GRIA4: variants seen among roughly 807,000 people sequenced by gnomAD.
GRIA4 encodes glutamate receptor 4.
GRIA4 carries 34 observed loss-of-function variants against 104.0 expected under a neutral mutation model. The observed-to-expected ratio is 0.33, with a 90% CI of 0.25 to 0.44. The LOEUF is 0.44. Ranked by LOEUF, GRIA4 falls within the 20% of genes least tolerant of loss-of-function variation. The probability of loss-of-function intolerance (pLI) is 1.00; values close to 1 mark genes in which losing one functional copy is unlikely to be tolerated. For synonymous variants in GRIA4, 386 were observed against 381.9 expected (o/e 1.01, Z -0.13); for missense variants, 750 against 1,096.5 (o/e 0.68, Z 4.46).
At chr11:105,892,837 C>T (rs1448102256) in intron 6 of GRIA4, among the ~76,000 whole-genome samples, 1 of 152,092 alleles carries the variant, frequency 6.6e-6, no homozygotes, top group Non-Finnish European at 1.5e-5. Context: ...TTTGACATTC[C>T]TTCCATTAAT....
chr11:105,672,074 A>G (rs1360391600), intron 3 of GRIA4, among the ~76,000 whole-genome samples: 1 of 152,168 alleles, frequency 6.6e-6, no homozygotes, highest in Non-Finnish European at 1.5e-5. Context: ...GAGAACATTT[A>G]TCATTAAAAA....
At chr11:105,616,221 C>A (rs1474018623) in intron 3 of GRIA4, among the ~76,000 whole-genome samples, 1 of 151,474 alleles carries the variant, frequency 6.6e-6, no homozygotes, top group Non-Finnish European at 1.5e-5. Context: ...CTTTTTCTAG[C>A]TAGAATCATT....
intron 14 of GRIA4, among the ~76,000 whole-genome samples, chr11:105,957,571 T>A (rs1948623218): frequency 6.6e-6 from 1 of 152,190 alleles, no homozygotes; most frequent in Non-Finnish European, 1.5e-5. Flanking sequence ...TTCTTTTGGC[T>A]TAGGATTGTC....
At chr11:105,669,051 T>C (rs1340933798) in intron 3 of GRIA4, among the ~76,000 whole-genome samples, 1 of 152,038 alleles carries the variant, frequency 6.6e-6, no homozygotes, top group Non-Finnish European at 1.5e-5. Context: ...TTCAGCAGTG[T>C]GTGCAGAAAA....
intron 14 of GRIA4, among the ~76,000 whole-genome samples, chr11:105,942,258 A>C (rs1591470684): frequency 6.6e-6 from 1 of 152,058 alleles, no homozygotes; most frequent in Non-Finnish European, 1.5e-5. Flanking sequence ...AACAAAAAAA[A>C]CAGTTCATTT....
At chr11:105,794,830 T>A (rs1280911791) in intron 4 of GRIA4, among the ~76,000 whole-genome samples, 1 of 151,790 alleles carries the variant, frequency 6.6e-6, no homozygotes, top group Non-Finnish European at 1.5e-5. Context: ...AACTCAAATT[T>A]AGCATTTAAA....
chr11:105,627,584 T>C (rs1253122373), intron 3 of GRIA4, among the ~76,000 whole-genome samples: 1 of 152,240 alleles, frequency 6.6e-6, no homozygotes, highest in East Asian at 1.9e-4. Context: ...TGTTATTTTG[T>C]TACTTCAGTT....
At chr11:105,806,304 G>A (rs569652303) in intron 4 of GRIA4, among the ~76,000 whole-genome samples, 15 of 151,912 alleles carry the variant, frequency 9.9e-5, no homozygotes, top group African/African-American at 3.4e-4. Flanking sequence ...ATTTAATTTA[G>A]CAGAACAGAG....
chr11:105,837,398 G>C (rs1320089331), intron 4 of GRIA4, among the ~76,000 whole-genome samples: 2 of 152,096 alleles, frequency 1.3e-5, no homozygotes, highest in African/African-American at 2.4e-5. Flanking sequence ...CAAGACCACA[G>C]CTGGAGTCAA....
intron 14 of GRIA4, among the ~76,000 whole-genome samples, chr11:105,962,892 A>T (rs1419648738): frequency 6.6e-6 from 1 of 152,156 alleles, no homozygotes; most frequent in East Asian, 1.9e-4. Context: ...TAATGTAAGA[A>T]ATAGCTAAAA....
chr11:105,611,232 C>CAAAAAAAAAA, intron 2 of GRIA4, 147 bp downstream of exon 2: 1 of 672,974 alleles, frequency 1.5e-6, no homozygotes, highest in Admixed American at 2.3e-5. Context: ...CTCTCCTTTG[C>CAAAAAAAAAA]AAAAAGACTT....
intron 3 of GRIA4, among the ~76,000 whole-genome samples, chr11:105,734,218 A>C (rs1294031680): frequency 1.3e-5 from 2 of 151,748 alleles, no homozygotes; most frequent in Non-Finnish European, 2.9e-5. Flanking sequence ...AACCTCCCAC[A>C]GTTTACTCCA....
At chr11:105,872,679 A>G (rs1027502660) in intron 5 of GRIA4, among the ~76,000 whole-genome samples, 1 of 152,138 alleles carries the variant, frequency 6.6e-6, no homozygotes, top group Non-Finnish European at 1.5e-5. Flanking sequence ...AAGAATAGAT[A>G]TCTACTCATT....
chr11:105,805,478 G>GAAAAAA (rs57123559), intron 4 of GRIA4, among the ~76,000 whole-genome samples: 16 of 92,468 alleles, frequency 1.7e-4, no homozygotes, highest in African/African-American at 6.8e-4. Context: ...AAGAAATCAG[G>GAAAAAA]AAAAAAAAAA....
intron 5 of GRIA4, 175 bp downstream of exon 5, chr11:105,862,383 C>A: frequency 1.8e-6 from 1 of 550,896 alleles, no homozygotes; most frequent in South Asian, 2.3e-5. Context: ...CACCAAGGAC[C>A]TTTTTGGTTC....
chr11:105,869,137 G>A (rs1166829379), intron 5 of GRIA4, among the ~76,000 whole-genome samples: 1 of 151,930 alleles, frequency 6.6e-6, no homozygotes, highest in Admixed American at 6.6e-5. Context: ...TTCTTATAAA[G>A]TAAAAAATAG....
chr11:105,743,673 C>G (rs1309968070), intron 3 of GRIA4, among the ~76,000 whole-genome samples: 1 of 152,152 alleles, frequency 6.6e-6, no homozygotes, highest in East Asian at 1.9e-4. Context: ...TCAACATGTC[C>G]AAAATGGAAT....
intron 4 of GRIA4, among the ~76,000 whole-genome samples, chr11:105,778,370 T>C (rs73540347): frequency 0.05 from 7,555 of 152,262 alleles, 496 homozygotes; most frequent in African/African-American, 0.15. Flanking sequence ...ATGATTGCTT[T>C]TCTAGTTTAG....
rs55824302 is a variant in GRIA4 at position 105,860,956 on chromosome 11, GAAAAAA to G, written c.488-1052_488-1047del. ...CCTGGGCAACAGAGCAAGACTGTCT[GAAAAAA>G]AAAAAAAAAAAAAAAGAGAGATGGA... On this transcript the variant is annotated intron_variant, in intron 4 of 16. Coordinates refer to ENST00000282499, the MANE Select transcript of GRIA4 (RefSeq NM_000829.4). Among the ~76,000 whole-genome samples, 208 of 106,088 alleles carry G rather than the reference GAAAAAA, an allele frequency of 2.0e-3. 1 individual carries two copies. Among genetic ancestry groups the G allele is most frequent in the African/African-American group, 5.1e-3 (142 of 28,068 alleles). 69.6% of individuals were successfully genotyped at this position (106,088 alleles called of 152,430 possible).
Sources: gnomAD v4.1 joint callset for allele counts (sites outside exome capture counted in the v4.1 genomes callset) on GRCh38, gnomAD v4.1.1 for gene constraint, MANE v1.5 for transcripts, NCBI Gene and HGNC (gene_info 2026-07-23, HGNC 2026-07-21) for gene names.